The following SPDYA variants were observed in gnomAD, a reference collection of about 807,000 sequenced individuals.
SPDYA encodes the protein speedy protein A.
In SPDYA, 11 loss-of-function variants were observed where a neutral mutation model predicts 36.7. The observed-to-expected ratio is 0.30, with a 90% CI of 0.19 to 0.50. The LOEUF (loss-of-function observed/expected upper bound fraction) is 0.50. SPDYA is among the 20% of genes least tolerant of loss of function. The pLI is 0.98. For missense variants in SPDYA, 287 were observed against 370.9 expected (o/e 0.77, Z 1.86); for synonymous variants, 115 against 118.7 (o/e 0.97, Z 0.20).
intron 2 of SPDYA, 111 bp downstream of exon 2, chr2:28,814,797 A>G (rs1489045325): frequency 6.6e-6 from 1 of 152,196 alleles, no homozygotes; most frequent in Non-Finnish European, 1.5e-5. Flanking sequence ...TCCTAGAAAT[A>G]TTTGACCACA....
chr2:28,840,101 T>C, intron 6 of SPDYA, 71 bp from the exon 7 acceptor site: 1 of 1,379,476 alleles, frequency 7.2e-7, no homozygotes, highest in Non-Finnish European at 9.9e-7. Context: ...TCTTGAGTTA[T>C]AAGTTTTGAA....
chr2:28,821,034 T>G (rs1426410100), intron 4 of SPDYA, among the ~76,000 whole-genome samples: 1 of 152,142 alleles, frequency 6.6e-6, no homozygotes, highest in African/African-American at 2.4e-5. Flanking sequence ...ATCCCAGACA[T>G]CCTAACATTT....
intron 7 of SPDYA, among the ~76,000 whole-genome samples, chr2:28,843,824 C>T (rs1486320021): frequency 1.3e-5 from 2 of 152,088 alleles, no homozygotes; most frequent in Non-Finnish European, 2.9e-5. Flanking sequence ...GAATATATAA[C>T]ATATTTTTAT....
chr2:28,824,719 T>G (rs183815480), intron 5 of SPDYA, among the ~76,000 whole-genome samples: 47 of 151,884 alleles, frequency 3.1e-4, no homozygotes, highest in Middle Eastern at 3.4e-3. Context: ...GCTAATTTTT[T>G]TTTGTATTTT....
chr2:28,827,355 T>G (rs1668354901), intron 5 of SPDYA, among the ~76,000 whole-genome samples: 1 of 152,220 alleles, frequency 6.6e-6, no homozygotes, highest in Non-Finnish European at 1.5e-5. Flanking sequence ...GCTAATTTCA[T>G]TATAAAATTT....
intron 6 of SPDYA, among the ~76,000 whole-genome samples, chr2:28,834,765 G>C (rs1668554574): frequency 1.3e-5 from 2 of 152,162 alleles, no homozygotes; most frequent in Non-Finnish European, 2.9e-5. Context: ...TGATGAAAAT[G>C]CTTCAAAATT....
At position 28,841,703 on chromosome 2, in the gene SPDYA, G is replaced by A. The variant is rs564497713; in HGVS notation, c.850+1234G>A. Among the ~76,000 whole-genome samples, 68 of 152,292 alleles carry A rather than the reference G, an allele frequency of 4.5e-4. 3 individuals carry two copies. The South Asian group carries it at 0.014, about 31-fold the overall frequency. ...AGGTAGGGGTTATGCCTCAGTCATT[G>A]TTCCATTTCTTGGCCATAGTAATCA... is the stretch of plus-strand genomic sequence containing the variant. On this transcript the variant is annotated intron_variant, in intron 7 of 7. Transcript: ENST00000334056.
At position 28,849,399 on chromosome 2, in the gene SPDYA, C is replaced by T. The variant is rs186019204; in HGVS notation, c.851-451C>T. 1.3e-3 allele frequency among the ~76,000 whole-genome samples: 204 copies of T among 152,310 alleles called. 1 individual carries two copies. The highest frequency in any genetic ancestry group is 2.4e-3 in the Non-Finnish European group (160 of 68,042). The stretch of plus-strand genomic sequence containing the variant: ...CTTCGCCTTCCAGGTTTAAGCGATT[C>T]TCCTGCCTCAGCTTCCCAAGTAGCT... On this transcript the variant is annotated intron_variant, in intron 7 of 7. Transcript: ENST00000334056.
At chr2:28,845,249 CT>C (rs372229883) in intron 7 of SPDYA, among the ~76,000 whole-genome samples, 64,543 of 132,422 alleles carry the variant, frequency 0.49, 15,674 homozygotes, top group East Asian at 0.74. Context: ...CCATGCCCAG[CT>C]TTTTTTTTTT....
intron 6 of SPDYA, among the ~76,000 whole-genome samples, chr2:28,832,437 A>AAGAGAG (rs1668500445): frequency 5.3e-5 from 8 of 152,172 alleles, no homozygotes; most frequent in African/African-American, 2.4e-5. Context: ...TTCTATTGGT[A>AAGAGAG]TTAACTTATT....
At chr2:28,824,554 T>TTTTTTTTTTC (rs1329705611) in intron 5 of SPDYA, among the ~76,000 whole-genome samples, 1 of 128,684 alleles carries the variant, frequency 7.8e-6, no homozygotes, top group Non-Finnish European at 1.8e-5. Context: ...TCTTTCTTTC[T>TTTTTTTTTTC]TTTTTTTTTT....
chr2:28,836,341 GA>G (rs2148099716), intron 6 of SPDYA, among the ~76,000 whole-genome samples: 1 of 152,198 alleles, frequency 6.6e-6, no homozygotes, highest in South Asian at 2.1e-4. Context: ...CTTGTCTTGG[GA>G]ATTAAATAGC....
Position 28,850,453 on chromosome 2 carries a change from A to T in SPDYA, c.*512A>T, listed in dbSNP as rs1558336550. On this transcript the variant is annotated 3_prime_UTR_variant, in exon 8 of 8. Transcript: ENST00000334056. The stretch of plus-strand genomic sequence containing the variant: ...CTATAAGCTACATAAAATATTTTCT[A>T]TTTTTTTCACAAAACTGTTAAAATA... 2.3e-6 allele frequency: 3 copies of T among 1,284,646 alleles called. No homozygotes were observed. Among genetic ancestry groups the T allele is most frequent in the East Asian group, 4.9e-5 (2 of 40,922 alleles). The allele number at this position is 1,284,646 out of a possible 1,614,324, so 79.6% of individuals were successfully genotyped here.
In SPDYA at chr2:28,818,017, T is replaced by A. The variant is rs532706002; in HGVS notation, c.236-1031T>A. The stretch of plus-strand genomic sequence containing the variant: ...TCTCTACAATACAAAAAAAAAAAAA[T>A]TTATCTGGGCATGGTGGTGCATACC... On this transcript the variant is annotated intron_variant, in intron 3 of 7. Transcript: ENST00000334056. 2.2e-4 allele frequency among the ~76,000 whole-genome samples: 29 copies of A among 131,428 alleles called. No individual in the cohort carries two copies. The South Asian group carries it at 5.5e-3, about 25-fold the overall frequency. The allele number at this position is 131,428 out of a possible 152,430, so 86.2% of individuals were successfully genotyped here. A position where few individuals can be genotyped will look rare whatever the true frequency, so the allele number is the denominator to read the frequency against.
rs969119835 is a variant in SPDYA at position 28,842,795 on chromosome 2, G to C, written c.850+2326G>C. On this transcript the variant is annotated intron_variant, in intron 7 of 7. Coordinates refer to ENST00000334056, the MANE Select transcript of SPDYA (RefSeq NM_182756.4). ...ATTTTCCTCCAATAGTTTTAATGGA[G>C]AGTGAGCTCACTGGGAGTAGAGGGG... 3.9e-5 allele frequency among the ~76,000 whole-genome samples: 6 copies of C among 152,296 alleles called. No individual in the cohort carries two copies. The East Asian group carries it at 9.6e-4, about 24-fold the overall frequency.
intron 6 of SPDYA, among the ~76,000 whole-genome samples, chr2:28,832,439 T>G (rs1668500629): frequency 5.3e-5 from 8 of 152,214 alleles, no homozygotes; most frequent in African/African-American, 2.4e-5. Context: ...CTATTGGTAT[T>G]AACTTATTAG....
chr2:28,829,418 T>TTG, intron 6 of SPDYA, 99 bp downstream of exon 6: 10 of 591,964 alleles, frequency 1.7e-5, no homozygotes, highest in African/African-American at 7.4e-5. Flanking sequence ...GTATTCTGGG[T>TTG]TTTTTTTTTT....
chr2:28,830,555 T>C (rs1668457216), intron 6 of SPDYA, among the ~76,000 whole-genome samples: 1 of 152,138 alleles, frequency 6.6e-6, no homozygotes, highest in African/African-American at 2.4e-5. Flanking sequence ...GGATCATCAA[T>C]ATATTGAAAA....
intron 2 of SPDYA, among the ~76,000 whole-genome samples, chr2:28,815,602 A>G (rs1421004550): frequency 1.3e-5 from 2 of 152,156 alleles, no homozygotes; most frequent in African/African-American, 4.8e-5. Flanking sequence ...TTGAGGTGGC[A>G]TATAACAACA....
Sources: allele counts gnomAD v4.1 joint callset (sites outside exome capture counted in the v4.1 genomes callset), GRCh38; gene constraint gnomAD v4.1.1; transcripts MANE v1.5; gene names NCBI Gene and HGNC (gene_info 2026-07-23, HGNC 2026-07-21).